Variants in FLRT2 observed in about 807,000 individuals in gnomAD.
The protein encoded by FLRT2 is fibronectin leucine rich transmembrane protein 2.
Under a neutral mutation model 40.0 loss-of-function variants are expected in FLRT2, and 15 were observed. The observed-to-expected ratio is 0.38, with a 90% CI of 0.25 to 0.58. FLRT2 has a LOEUF of 0.58. FLRT2 is among the 20% of genes least tolerant of loss of function. FLRT2 has a pLI of 0.71. For missense variants in FLRT2, 726 were observed against 840.0 expected, an observed-to-expected ratio of 0.86 and a Z score of 1.68; for synonymous variants, 380 against 336.8, an observed-to-expected ratio of 1.13 and a Z score of -1.41.
At chr14:85,563,871 G>A (rs2139849492) in intron 1 of FLRT2, among the ~76,000 whole-genome samples, 1 of 152,290 alleles carries the variant, frequency 6.6e-6, no homozygotes, top group Middle Eastern at 3.4e-3. Context: ...CCTCTTAGGT[G>A]GAGACCATGA....
chr14:85,564,957 T>A (rs1890551540), intron 1 of FLRT2, among the ~76,000 whole-genome samples: 1 of 152,216 alleles, frequency 6.6e-6, no homozygotes, highest in Non-Finnish European at 1.5e-5. Flanking sequence ...TGCCTTACCA[T>A]TTCTATGATA....
rs1894000201 is a variant in FLRT2, at chr14:85,636,389, A to AG, written c.*12893dup. The AG allele has an allele frequency of 6.2e-5, 4 of 64,588 alleles. No homozygotes were observed. Among genetic ancestry groups the AG allele is most frequent in the South Asian group, 5.9e-4 (1 of 1,702 alleles). The allele number at this position is 64,588 out of a possible 1,614,324, so 4.0% of individuals were successfully genotyped here. A position where few individuals can be genotyped will look rare whatever the true frequency, so the allele number is the denominator to read the frequency against. ...GAAAATCAAAGGTGAAGTCACCTGC[A>AG]GAAAAAAAAAAAAAAAAAACAAAAA... On this transcript the variant is annotated 3_prime_UTR_variant, in exon 2 of 2. Coordinates refer to ENST00000330753, the MANE Select transcript of FLRT2 (RefSeq NM_013231.6).
chr14:85,572,893 C>A (rs1240142809), intron 1 of FLRT2, among the ~76,000 whole-genome samples: 1 of 152,018 alleles, frequency 6.6e-6, no homozygotes, highest in Non-Finnish European at 1.5e-5. Context: ...GCCTGTGGAA[C>A]CTGGATTTGA....
chr14:85,572,059 A>G (rs1566734401), intron 1 of FLRT2, among the ~76,000 whole-genome samples: 1 of 152,184 alleles, frequency 6.6e-6, no homozygotes, highest in South Asian at 2.1e-4. Context: ...CTAGACAGCT[A>G]TGGCCTCACT....
Position 85,624,205 on chromosome 14 carries a change from A to G in FLRT2, c.*708A>G, listed in dbSNP as rs560960181. ...TCACTCTTCATGCTTCCCTGGTCCT[A>G]TGTGATAACAGAGTTAGAGACTTGA... On this transcript the variant is annotated 3_prime_UTR_variant, in exon 2 of 2. Coordinates refer to ENST00000330753, the MANE Select transcript of FLRT2 (RefSeq NM_013231.6). 5 of 167,080 alleles carry G rather than the reference A, an allele frequency of 3.0e-5. No individual in the cohort carries two copies. Among genetic ancestry groups the G allele is most frequent in the South Asian group, 2.1e-4 (1 of 4,824 alleles). 10.3% of individuals were successfully genotyped at this position (167,080 alleles called of 1,614,324 possible).
chr14:85,596,993 C>A (rs1016576273), intron 1 of FLRT2, among the ~76,000 whole-genome samples: 1 of 152,018 alleles, frequency 6.6e-6, no homozygotes, highest in Non-Finnish European at 1.5e-5. Flanking sequence ...TTTAGCTGTG[C>A]CTTTATTATA....
At chr14:85,598,922 T>TG (rs956439445) in intron 1 of FLRT2, among the ~76,000 whole-genome samples, 11 of 148,310 alleles carry the variant, frequency 7.4e-5, no homozygotes, top group Non-Finnish European at 1.3e-4. Context: ...GATGGTTTTT[T>TG]TTTTTTTTTT....
intron 1 of FLRT2, among the ~76,000 whole-genome samples, chr14:85,544,881 C>T (rs551638131): frequency 5.9e-5 from 9 of 152,278 alleles, no homozygotes; most frequent in African/African-American, 2.2e-4. Context: ...TCAATCCCTT[C>T]CTCCCCTTTT....
intron 1 of FLRT2, among the ~76,000 whole-genome samples, chr14:85,596,512 T>C (rs1471511474): frequency 1.3e-5 from 2 of 152,126 alleles, no homozygotes; most frequent in Non-Finnish European, 2.9e-5. Flanking sequence ...GTTGTTGTTG[T>C]TGTTGTTGTT....
At chr14:85,564,562 A>G (rs1219965956) in intron 1 of FLRT2, among the ~76,000 whole-genome samples, 2 of 152,216 alleles carry the variant, frequency 1.3e-5, no homozygotes, top group Non-Finnish European at 2.9e-5. Flanking sequence ...ATATTTTGAC[A>G]TTGGCAAAAG....
At chr14:85,556,901 A>G (rs1470522005) in intron 1 of FLRT2, among the ~76,000 whole-genome samples, 1 of 152,212 alleles carries the variant, frequency 6.6e-6, no homozygotes, top group East Asian at 1.9e-4. Flanking sequence ...TTACAGTTCC[A>G]CATGGCTGGG....
intron 1 of FLRT2, among the ~76,000 whole-genome samples, chr14:85,610,741 A>G (rs1279650816): frequency 6.6e-6 from 1 of 152,074 alleles, no homozygotes; most frequent in African/African-American, 2.4e-5. Flanking sequence ...GCAAATCCTC[A>G]TTCTTTAGGA....
At position 85,628,090 on chromosome 14, in the gene FLRT2, T is replaced by G. The variant is rs1893766410; in HGVS notation, c.*4593T>G. Reference sequence around the variant, plus strand: ...TCTAAAGGCCATTTGATCCTTTTTGTGTGAGGAGTTTATATGAAATCCTCA... The same window carrying G: ...TCTAAAGGCCATTTGATCCTTTTTGGGTGAGGAGTTTATATGAAATCCTCA... On this transcript the variant is annotated 3_prime_UTR_variant, in exon 2 of 2. Coordinates refer to ENST00000330753, the MANE Select transcript of FLRT2 (RefSeq NM_013231.6). The G allele has an allele frequency of 6.5e-6, 1 of 153,060 alleles. No individual in the cohort carries two copies. Among genetic ancestry groups the G allele is most frequent in the East Asian group, 1.9e-4 (1 of 5,172 alleles). The allele number at this position is 153,060 out of a possible 1,614,324, so 9.5% of individuals were successfully genotyped here. A position where few individuals can be genotyped will look rare whatever the true frequency, so the allele number is the denominator to read the frequency against.
intron 1 of FLRT2, among the ~76,000 whole-genome samples, chr14:85,620,351 A>G (rs1490295358): frequency 6.6e-6 from 1 of 152,174 alleles, no homozygotes; most frequent in East Asian, 1.9e-4. Context: ...TTTGTTAAGT[A>G]TATGTATAGA....
Position 85,623,322 on chromosome 14 carries a change from C to A in FLRT2, c.1808C>A (p.Thr603Lys). ...TKKDNSILEM[T>K]ETSFQIVSLN... ...AAGGACAACTCCATCCTGGAGATGA[C>A]AGAAACCAGTTTTCAGATCGTCTCC... Residue 603 changes from threonine to lysine, a missense_variant, in exon 2 of 2, where the codon ACA becomes AAA. By Grantham distance (78) the Thr-to-Lys change is moderately conservative (BLOSUM62 -1). Around this residue, in one of 3 missense-constraint regions of FLRT2, gnomAD observed 611 missense variants for 690.0 expected, o/e 0.89. Transcript: ENST00000330753. 6.6e-7 allele frequency: 1 copy of A among 1,515,994 alleles called. No homozygotes were observed. 93.9% of individuals were successfully genotyped at this position (1,515,994 alleles called of 1,614,324 possible). A position where few individuals can be genotyped will look rare whatever the true frequency, so the allele number is the denominator to read the frequency against.
intron 1 of FLRT2, among the ~76,000 whole-genome samples, chr14:85,591,621 T>G (rs926764): frequency 0.17 from 25,605 of 152,186 alleles, 2,713 homozygotes; most frequent in East Asian, 0.55. Context: ...CAGAGCAGGT[T>G]GTAATTAAGC....
At chr14:85,590,695 G>A (rs1444791200) in intron 1 of FLRT2, among the ~76,000 whole-genome samples, 1 of 152,084 alleles carries the variant, frequency 6.6e-6, no homozygotes, top group Non-Finnish European at 1.5e-5. Context: ...TGCCTCCCCG[G>A]TTCAAGCAAT....
At chr14:85,576,116 C>G (rs960243612) in intron 1 of FLRT2, among the ~76,000 whole-genome samples, 2 of 152,076 alleles carry the variant, frequency 1.3e-5, no homozygotes, top group Admixed American at 6.6e-5. Flanking sequence ...TGGAGCTCAC[C>G]ACGACCAAGC....
In FLRT2 at chr14:85,625,901, C is replaced by CGCTTTGGGCTGCTG. The variant is rs1893662024; in HGVS notation, c.*2404_*2405insGCTTTGGGCTGCTG. 6.0e-6 allele frequency: 1 copy of CGCTTTGGGCTGCTG among 166,996 alleles called. No homozygotes were observed. The highest frequency in any genetic ancestry group is 1.5e-5 in the Non-Finnish European group (1 of 68,112). The allele number at this position is 166,996 out of a possible 1,614,324, so 10.3% of individuals were successfully genotyped here. On this transcript the variant is annotated 3_prime_UTR_variant, in exon 2 of 2. Transcript: ENST00000330753. ...CAGTGGGATTTCTGGCTGCTGAAACCACTTTGGGCCAGGAAGAACAAGGAT... is the reference window on the plus strand; with the variant it reads ...CAGTGGGATTTCTGGCTGCTGAAACCGCTTTGGGCTGCTGACTTTGGGCCAGGAAGAACAAGGAT...
Sources: allele counts gnomAD v4.1 joint callset (sites outside exome capture counted in the v4.1 genomes callset), GRCh38; gene constraint gnomAD v4.1.1; regional missense constraint gnomAD v4.1.1; transcripts MANE v1.5; gene names NCBI Gene and HGNC (gene_info 2026-07-23, HGNC 2026-07-21).